BABAM2: variants seen among roughly 807,000 people sequenced by gnomAD.
BABAM2 encodes the protein BRISC and BRCA1-A complex member 2.
In BABAM2, 31 loss-of-function variants were observed where a neutral mutation model predicts 54.7. The observed-to-expected ratio is 0.57, with a 90% CI of 0.43 to 0.77. The LOEUF (loss-of-function observed/expected upper bound fraction) is 0.77. Ranked by LOEUF, BABAM2 falls within the 30% of genes least tolerant of loss-of-function variation. The pLI, the probability that BABAM2 is intolerant of heterozygous loss-of-function variation, is 0.00. For synonymous variants in BABAM2, 167 were observed against 162.9 expected (o/e 1.03, Z -0.19); for missense variants, 364 against 455.8 (o/e 0.80, Z 1.83).
At chr2:27,916,514 C>G (rs1375121766) in intron 2 of BABAM2, among the ~76,000 whole-genome samples, 3 of 152,198 alleles carry the variant, frequency 2.0e-5, no homozygotes, top group Non-Finnish European at 4.4e-5. Flanking sequence ...CTTGTCCACT[C>G]CAGCTCTACC....
chr2:28,054,251 A>G (rs1182838522), intron 6 of BABAM2, among the ~76,000 whole-genome samples: 2 of 151,942 alleles, frequency 1.3e-5, no homozygotes, highest in Non-Finnish European at 2.9e-5. Context: ...GTCTCTGTTT[A>G]TGTTTGATTA....
chr2:28,255,609 T>A (rs1683904170), intron 10 of BABAM2, among the ~76,000 whole-genome samples: 1 of 152,086 alleles, frequency 6.6e-6, no homozygotes, highest in South Asian at 2.1e-4. Context: ...TTAATAGAAT[T>A]CTTAGCACTA....
intron 11 of BABAM2, among the ~76,000 whole-genome samples, chr2:28,334,221 C>T (rs904807167): frequency 1.3e-5 from 2 of 152,258 alleles, no homozygotes; most frequent in African/African-American, 4.8e-5. Flanking sequence ...AACGTGCTCC[C>T]TTCTGTGTAA....
At chr2:28,140,797 A>G (rs186477494) in intron 7 of BABAM2, among the ~76,000 whole-genome samples, 6 of 152,320 alleles carry the variant, frequency 3.9e-5, no homozygotes, top group Admixed American at 2.0e-4. Flanking sequence ...GTGTGTGTAT[A>G]TATACATATG....
chr2:28,026,843 A>G lies in BABAM2; in HGVS notation c.495+1423A>G, dbSNP rs7570518. 1.5e-4 allele frequency among the ~76,000 whole-genome samples: 6 copies of G among 40,634 alleles called. 1 individual carries two copies. Among genetic ancestry groups the G allele is most frequent in the African/African-American group, 5.2e-4 (5 of 9,652 alleles). The allele number at this position is 40,634 out of a possible 152,430, so 26.7% of individuals were successfully genotyped here. Reference sequence around the variant, plus strand: ...ATATTTATATATATAAATATATATAAATATATATTTATATATATAGATATA... The same window carrying G: ...ATATTTATATATATAAATATATATAGATATATATTTATATATATAGATATA... On this transcript the variant is annotated intron_variant, in intron 5 of 11. Coordinates refer to ENST00000379624, the MANE Select transcript of BABAM2 (RefSeq NM_199191.3).
chr2:28,140,035 C>T (rs1439054271), intron 7 of BABAM2, among the ~76,000 whole-genome samples: 4 of 152,162 alleles, frequency 2.6e-5, no homozygotes, highest in East Asian at 3.8e-4. Context: ...TATTACTTTT[C>T]CTCGTAAATG....
intron 7 of BABAM2, among the ~76,000 whole-genome samples, chr2:28,173,539 T>G (rs1051385807): frequency 6.6e-6 from 1 of 152,220 alleles, no homozygotes; most frequent in Non-Finnish European, 1.5e-5. Context: ...GCAACTGCAG[T>G]GACCCAGCAT....
chr2:28,269,711 T>C (rs1014112804), intron 10 of BABAM2, among the ~76,000 whole-genome samples: 7 of 152,244 alleles, frequency 4.6e-5, no homozygotes, highest in Non-Finnish European at 8.8e-5. Flanking sequence ...TTCTACCTTA[T>C]CTGTCTTCTT....
chr2:28,198,076 A>T (rs550866560), intron 7 of BABAM2, among the ~76,000 whole-genome samples: 1 of 152,160 alleles, frequency 6.6e-6, no homozygotes, highest in Non-Finnish European at 1.5e-5. Flanking sequence ...CTACAGAGGG[A>T]GAATGCAAGG....
intron 6 of BABAM2, among the ~76,000 whole-genome samples, chr2:28,125,371 G>A (rs1355473243): frequency 6.6e-6 from 1 of 152,002 alleles, no homozygotes; most frequent in Non-Finnish European, 1.5e-5. Context: ...TCGGCTCACT[G>A]CAATCTCCGC....
chr2:28,319,661 GAAGGATCGGTGCCCCATGCT>G (rs1396125523), intron 11 of BABAM2, among the ~76,000 whole-genome samples: 1 of 152,218 alleles, frequency 6.6e-6, no homozygotes, highest in African/African-American at 2.4e-5. Flanking sequence ...TGTCAGGGCT[GAAGGATCGGTGCCCCATGCT>G]GGGAGCAGAG....
At chr2:27,963,905 A>G (rs531318075) in intron 3 of BABAM2, among the ~76,000 whole-genome samples, 2 of 152,316 alleles carry the variant, frequency 1.3e-5, no homozygotes, top group South Asian at 2.1e-4. Context: ...ACATATGACA[A>G]AATTTCATTC....
At chr2:28,092,064 G>A (rs1471661147) in intron 6 of BABAM2, among the ~76,000 whole-genome samples, 1 of 152,054 alleles carries the variant, frequency 6.6e-6, no homozygotes, top group Non-Finnish European at 1.5e-5. Context: ...TCGTGAATGA[G>A]CACATAGATA....
intron 2 of BABAM2, among the ~76,000 whole-genome samples, chr2:27,905,323 G>C (rs1666112493): frequency 1.3e-5 from 2 of 152,154 alleles, no homozygotes; most frequent in Non-Finnish European, 2.9e-5. Flanking sequence ...AGGATAATGT[G>C]ATGGTAAGCA....
intron 3 of BABAM2, among the ~76,000 whole-genome samples, chr2:27,963,651 A>G (rs1670637926): frequency 6.6e-6 from 1 of 152,146 alleles, no homozygotes; most frequent in Non-Finnish European, 1.5e-5. Context: ...ATCAGCTGAC[A>G]TAGCAAATCA....
intron 4 of BABAM2, among the ~76,000 whole-genome samples, chr2:28,017,926 T>A (rs1049965960): frequency 6.6e-6 from 1 of 152,250 alleles, no homozygotes; most frequent in African/African-American, 2.4e-5. Context: ...ACATTTGGGT[T>A]GTTTGTACTT....
At chr2:27,892,898 A>G (rs1664979941) in intron 1 of BABAM2, among the ~76,000 whole-genome samples, 2 of 152,220 alleles carry the variant, frequency 1.3e-5, no homozygotes, top group East Asian at 1.9e-4. Flanking sequence ...GTATGAATAT[A>G]AAGGTGTTAA....
At chr2:28,324,178 C>T (rs1690254803) in intron 11 of BABAM2, among the ~76,000 whole-genome samples, 1 of 152,054 alleles carries the variant, frequency 6.6e-6, no homozygotes, top group African/African-American at 2.4e-5. Context: ...GTTGGCAGCT[C>T]TAGGAAAAGT....
At chr2:28,289,824 G>T (rs1687140018) in intron 10 of BABAM2, among the ~76,000 whole-genome samples, 1 of 151,626 alleles carries the variant, frequency 6.6e-6, no homozygotes, top group East Asian at 1.9e-4. Flanking sequence ...AAAGGAGAAA[G>T]GAATAGCAGA....
Sources: gnomAD v4.1 joint callset for allele counts (sites outside exome capture counted in the v4.1 genomes callset) on GRCh38, gnomAD v4.1.1 for gene constraint, MANE v1.5 for transcripts, NCBI Gene and HGNC (gene_info 2026-07-23, HGNC 2026-07-21) for gene names.